The following GTPBP6 variants were observed in gnomAD, a reference collection of about 807,000 sequenced individuals.
The protein encoded by GTPBP6 is putative GTP-binding protein 6.
A neutral mutation model predicts 28.9 loss-of-function variants in GTPBP6; 33 were observed. The observed-to-expected ratio is 1.14, with a 90% confidence interval of 0.87 to 1.53. The LOEUF (loss-of-function observed/expected upper bound fraction) is 1.53. GTPBP6 is among the 40% of genes most tolerant of loss of function. The pLI, the probability that GTPBP6 is intolerant of heterozygous loss-of-function variation, is 0.00. For missense variants in GTPBP6, 507 were observed against 408.3 expected (o/e 1.24, Z -2.08); for synonymous variants, 231 against 192.7 (o/e 1.20, Z -1.65).
chrX:313,853 G>A (rs188375103), intron 5 of GTPBP6, among the ~76,000 whole-genome samples: 202 of 152,056 alleles, frequency 1.3e-3, no homozygotes, highest in Non-Finnish European at 1.8e-3. Flanking sequence ...CAGGAGGGGA[G>A]AGCATAGATC....
intron 1 of GTPBP6, among the ~76,000 whole-genome samples, chrX:317,314 C>T (rs1410604398): frequency 3.3e-5 from 5 of 151,418 alleles, no homozygotes; most frequent in African/African-American, 4.9e-5. Flanking sequence ...CAGCAGGGAA[C>T]CCGGGAGCTG....
chrX:312,438 C>T (rs1456326928), intron 6 of GTPBP6: 3 of 555,008 alleles, frequency 5.4e-6, no homozygotes, highest in Admixed American at 2.2e-5. Context: ...TGGGGATGGT[C>T]TAGACAGGAG....
In GTPBP6 at chrX:314,351, C is replaced by T. The variant is rs34510462; in HGVS notation, c.690-134G>A. 1.1e-3 allele frequency: 805 copies of T among 758,028 alleles called. 5 individuals carry two copies. The highest frequency in any genetic ancestry group is 0.01 in the African/African-American group (594 of 58,118). The allele number at this position is 758,028 out of a possible 1,614,324, so 47.0% of individuals were successfully genotyped here. On this transcript the variant is annotated intron_variant, in intron 4 of 9. Transcript: ENST00000326153. ...AGGAGCCGCTGTTGCGGCCCCGCTC[C>T]GCGTGTAGCTCACACACTGTGAGTG...
At chrX:313,689 A>AGAGGAGGAGGCCACGTG (rs1334066453) in intron 5 of GTPBP6, among the ~76,000 whole-genome samples, 2 of 151,932 alleles carry the variant, frequency 1.3e-5, no homozygotes, top group Non-Finnish European at 2.9e-5. Context: ...ACACAGACAC[A>AGAGGAGGAGGCCACGTG]GAGGAGGAGG....
chrX:309,290 C>T (rs28460549), intron 7 of GTPBP6, among the ~76,000 whole-genome samples: 5 of 151,832 alleles, frequency 3.3e-5, no homozygotes, highest in Admixed American at 6.6e-5. Context: ...CAGCACCCTA[C>T]GGCCGGGGGC....
At chrX:311,419 C>T (rs1311100239) in exon 7 of GTPBP6, 9 of 1,311,022 alleles carry the variant, frequency 6.9e-6, no homozygotes, top group South Asian at 4.6e-5. Flanking sequence ...CCACGCTCAC[C>T]GAGTGGGCCA....
chrX:315,456 G>A (rs1454923270), intron 2 of GTPBP6, among the ~76,000 whole-genome samples, 157 bp from the exon 3 acceptor site: 66 of 152,198 alleles, frequency 4.3e-4, no homozygotes, highest in Admixed American at 1.1e-3. Flanking sequence ...GGAAGTCAGC[G>A]TGGGAGGGGG....
chrX:312,445 G>A (rs1302063453), intron 6 of GTPBP6: 2 of 568,524 alleles, frequency 3.5e-6, no homozygotes, highest in Non-Finnish European at 6.7e-6. Context: ...GGTCTAGACA[G>A]GAGGATGGTG....
At chrX:309,068 C>T (rs556186610) in intron 7 of GTPBP6, among the ~76,000 whole-genome samples, 5 of 152,206 alleles carry the variant, frequency 3.3e-5, no homozygotes, top group South Asian at 4.1e-4. Context: ...GTCCAGGCTC[C>T]GGGCGGGGTT....
At chrX:305,800 A>G (rs371420740) in intron 9 of GTPBP6, among the ~76,000 whole-genome samples, 2,271 of 131,334 alleles carry the variant, frequency 0.017, 91 homozygotes, top group African/African-American at 0.055. Flanking sequence ...AATTTTTTGT[A>G]TTTTTATTAG....
At position 311,386 on chromosome X, in the gene GTPBP6, C is replaced by G. The variant is rs369213302; in HGVS notation, c.1125+33G>C. ...CCAGCCCCCGTGCCGAATGGGTGTC[C>G]GAGCACCCGATCCCCGGCCGTCCCA... On this transcript the variant is annotated intron_variant, in intron 7 of 9. Transcript: ENST00000326153. 1.8e-5 allele frequency: 18 copies of G among 985,734 alleles called. No homozygotes were observed. The African/African-American group carries it at 4.2e-4, about 23-fold the overall frequency. The allele number at this position is 985,734 out of a possible 1,614,324, so 61.1% of individuals were successfully genotyped here. A position where few individuals can be genotyped will look rare whatever the true frequency, so the allele number is the denominator to read the frequency against.
chrX:314,503 C>G (rs746999081), intron 4 of GTPBP6, among the ~76,000 whole-genome samples: 2 of 150,066 alleles, frequency 1.3e-5, no homozygotes, highest in African/African-American at 4.9e-5. Context: ...GACGGAGTCT[C>G]GCTCTGTCAC....
chrX:305,324 G>GTTTTTTT, intron 9 of GTPBP6, 127 bp from the exon 10 acceptor site: 1 of 601,502 alleles, frequency 1.7e-6, no homozygotes, highest in African/African-American at 2.1e-5. Context: ...GTTTCCTTTT[G>GTTTTTTT]TTTTTTTTTT....
intron 5 of GTPBP6, 45 bp downstream of exon 5, chrX:314,105 C>A (rs151240624): frequency 6.9e-7 from 1 of 1,451,696 alleles, no homozygotes; most frequent in South Asian, 1.1e-5. Flanking sequence ...CGCTGACAAC[C>A]GCATTCCGAG....
At position 318,213 on chromosome X, in the gene GTPBP6, G is replaced by A. The variant is rs1158233373; in HGVS notation, c.349+226C>T. On this transcript the variant is annotated intron_variant, in intron 1 of 9. Coordinates refer to ENST00000326153, the Ensembl canonical transcript of GTPBP6. ...GCATCGCCAGCTATGATTCTCCCGA[G>A]TCCCGCCCCTGAATCTCCACCTATG... Among the ~76,000 whole-genome samples the A allele has an allele frequency of 1.0e-3, 144 of 143,628 alleles. 1 individual carries two copies. The highest frequency in any genetic ancestry group is 8.5e-3 in the Middle Eastern group (2 of 234). The allele number at this position is 143,628 out of a possible 152,430, so 94.2% of individuals were successfully genotyped here.
exon 1 of GTPBP6, chrX:318,705 G>A: frequency 2.7e-6 from 1 of 369,594 alleles, no homozygotes; most frequent in Non-Finnish European, 4.8e-6. Context: ...GCAGGACGGC[G>A]CGGCTGCCCG....
exon 4 of GTPBP6, chrX:314,955 G>A (rs2070402142): frequency 5.0e-6 from 2 of 398,650 alleles, no homozygotes; most frequent in South Asian, 1.3e-4. Flanking sequence ...CGTTACAGCG[G>A]AAGATGTGCA....
chrX:316,924 C>A (rs1307380290), exon 2 of GTPBP6: 196 of 398,548 alleles, frequency 4.9e-4, no homozygotes, highest in Non-Finnish European at 7.6e-4. Context: ...CTGTCAGGTG[C>A]TCAAAGTTCC....
At chrX:305,528 A>G (rs60337508) in intron 9 of GTPBP6, among the ~76,000 whole-genome samples, 3,806 of 151,022 alleles carry the variant, frequency 0.025, 155 homozygotes, top group African/African-American at 0.087. Flanking sequence ...TCACCGTGTT[A>G]GCCAGGATGG....
Sources: gnomAD v4.1 joint callset for allele counts (sites outside exome capture counted in the v4.1 genomes callset) on GRCh38, gnomAD v4.1.1 for gene constraint, MANE v1.5 for transcripts, NCBI Gene and HGNC (gene_info 2026-07-23, HGNC 2026-07-21) for gene names.